Variants in WWOX observed in about 807,000 individuals in gnomAD.
WWOX encodes the protein WW domain containing oxidoreductase, also known as WW domain-containing oxidoreductase.
Under a neutral mutation model 46.2 loss-of-function variants are expected in WWOX, and 69 were observed. The ratio of observed to expected loss-of-function variants is 1.49; its 90% confidence interval spans 1.23 to 1.82. The LOEUF is 1.82. Ranked by LOEUF, WWOX falls within the 40% of genes most tolerant of loss-of-function variation. The probability of loss-of-function intolerance (pLI) is 0.00; values close to 1 mark genes in which losing one functional copy is unlikely to be tolerated. For synonymous variants in WWOX, 359 were observed against 202.6 expected (o/e 1.77, Z -6.56); for missense variants, 919 against 542.6 (o/e 1.69, Z -6.89).
chr16:79,146,479 T>G (rs2050185076), intron 8 of WWOX, among the ~76,000 whole-genome samples: 1 of 152,140 alleles, frequency 6.6e-6, no homozygotes, highest in Non-Finnish European at 1.5e-5. Flanking sequence ...GTCTTGAGAT[T>G]TGGAGTCGTA....
chr16:78,741,847 G>A lies in WWOX; in HGVS notation c.1056+309095G>A, dbSNP rs1289397426. 2.6e-5 allele frequency among the ~76,000 whole-genome samples: 4 copies of A among 152,184 alleles called. No homozygotes were observed. In the East Asian group the frequency reaches 5.8e-4, roughly 22 times the overall value. ...TCCAGCCTGGGCGGCAGAGTGAGAC[G>A]CTGTCTCAAATAAATACATACATAC... On this transcript the variant is annotated intron_variant, in intron 8 of 8. Coordinates refer to ENST00000566780, the MANE Select transcript of WWOX (RefSeq NM_016373.4).
At chr16:78,767,058 TTCCCTCCC>T (rs369061899) in intron 8 of WWOX, among the ~76,000 whole-genome samples, 46 of 150,732 alleles carry the variant, frequency 3.1e-4, no homozygotes, top group African/African-American at 7.5e-4. Flanking sequence ...CTTCCTCTCC[TTCCCTCCC>T]TCCCTCCCTC....
At chr16:78,753,369 T>C (rs1011837426) in intron 8 of WWOX, among the ~76,000 whole-genome samples, 1 of 152,126 alleles carries the variant, frequency 6.6e-6, no homozygotes, top group Non-Finnish European at 1.5e-5. Flanking sequence ...TCTCATTTCA[T>C]TATCCAGGTA....
intron 8 of WWOX, among the ~76,000 whole-genome samples, chr16:79,079,420 C>T (rs531998188): frequency 4.6e-5 from 7 of 152,332 alleles, no homozygotes; most frequent in African/African-American, 1.7e-4. Context: ...ATTCATCCAT[C>T]CATCCATCTA....
intron 8 of WWOX, among the ~76,000 whole-genome samples, chr16:78,919,497 CT>C (rs1451422115): frequency 2.1e-5 from 3 of 145,994 alleles, no homozygotes; most frequent in Admixed American, 1.4e-4. Context: ...GCTTTCTTCT[CT>C]TTTTTTTCTT....
At chr16:78,718,465 G>T (rs1262079402) in intron 8 of WWOX, among the ~76,000 whole-genome samples, 1 of 152,074 alleles carries the variant, frequency 6.6e-6, no homozygotes, top group Non-Finnish European at 1.5e-5. Flanking sequence ...GAATAGGAGG[G>T]TTCTCTTTCC....
rs928178273 is a variant in WWOX at position 78,182,809 on chromosome 16, G to T, written c.516+18520G>T. On this transcript the variant is annotated intron_variant, in intron 5 of 8. Transcript: ENST00000566780. ...CTACTAAAAATACAAAAATTAGCAG[G>T]GCATGGTGGCGGGTACCTGTAGTGC... 7.9e-5 allele frequency among the ~76,000 whole-genome samples: 12 copies of T among 151,894 alleles called. 1 individual carries two copies. Among genetic ancestry groups the T allele is most frequent in the African/African-American group, 2.9e-4 (12 of 41,328 alleles).
intron 1 of WWOX, chr16:78,100,291 C>G: frequency 1.9e-6 from 2 of 1,053,000 alleles, no homozygotes; most frequent in Non-Finnish European, 2.3e-6. Context: ...ATTGCTCAGT[C>G]ATCCAGGCTG....
At chr16:78,674,800 C>T (rs190423230) in intron 8 of WWOX, among the ~76,000 whole-genome samples, 1 of 150,878 alleles carries the variant, frequency 6.6e-6, no homozygotes, top group Admixed American at 6.6e-5. Flanking sequence ...TATTTTTAAA[C>T]AATTACTGTA....
At chr16:78,100,800 G>A (rs1353775828) in intron 1 of WWOX, among the ~76,000 whole-genome samples, 3 of 152,152 alleles carry the variant, frequency 2.0e-5, no homozygotes, top group Admixed American at 6.5e-5. Flanking sequence ...TTGCTCTTAA[G>A]ATACGACAGT....
intron 8 of WWOX, among the ~76,000 whole-genome samples, chr16:78,804,940 A>G (rs955655335): frequency 6.6e-6 from 1 of 152,256 alleles, no homozygotes; most frequent in African/African-American, 2.4e-5. Flanking sequence ...AAAGATTGAA[A>G]TATTGCTACC....
chr16:78,922,511 T>G (rs1005172169), intron 8 of WWOX, among the ~76,000 whole-genome samples: 1 of 151,982 alleles, frequency 6.6e-6, no homozygotes, highest in Non-Finnish European at 1.5e-5. Context: ...CCTGAGTCAC[T>G]GGGATTACAG....
chr16:78,626,302 T>G (rs537808298), intron 8 of WWOX, among the ~76,000 whole-genome samples: 1 of 152,226 alleles, frequency 6.6e-6, no homozygotes, highest in African/African-American at 2.4e-5. Flanking sequence ...AGCTAATTTT[T>G]GCAGGATACC....
At position 78,853,779 on chromosome 16, in the gene WWOX, C is replaced by G. The variant is rs57895849; in HGVS notation, c.1057-357829C>G. 9.6e-3 allele frequency among the ~76,000 whole-genome samples: 1,460 copies of G among 152,166 alleles called. 23 individuals carry two copies. Among genetic ancestry groups the G allele is most frequent in the African/African-American group, 0.033 (1,383 of 41,508 alleles). On this transcript the variant is annotated intron_variant, in intron 8 of 8. Coordinates refer to ENST00000566780, the MANE Select transcript of WWOX (RefSeq NM_016373.4). Reference sequence around the variant, plus strand: ...TATCTACATCCCAGGGAGGTTTTCACTGAACCAAGAGATGCCATAAGCAGT... The same window carrying G: ...TATCTACATCCCAGGGAGGTTTTCAGTGAACCAAGAGATGCCATAAGCAGT...
intron 8 of WWOX, among the ~76,000 whole-genome samples, chr16:79,006,754 G>A (rs1198416888): frequency 2.0e-5 from 3 of 152,074 alleles, no homozygotes; most frequent in Non-Finnish European, 4.4e-5. Context: ...GTTTCTTAGA[G>A]GTTGCCCATC....
intron 8 of WWOX, among the ~76,000 whole-genome samples, chr16:78,453,832 ATT>A (rs10718327): frequency 6.6e-6 from 1 of 151,348 alleles, no homozygotes; most frequent in Admixed American, 6.6e-5. Flanking sequence ...TACCAAAACC[ATT>A]TTTTTTTATT....
intron 8 of WWOX, among the ~76,000 whole-genome samples, chr16:78,792,600 T>C (rs2050634453): frequency 6.6e-6 from 1 of 152,192 alleles, no homozygotes; most frequent in South Asian, 2.1e-4. Flanking sequence ...GGATTGATTT[T>C]GATTCATTGC....
rs568128494 is a variant in WWOX, at chr16:78,560,397, C to T, written c.1056+127645C>T. On this transcript the variant is annotated intron_variant, in intron 8 of 8. Transcript: ENST00000566780. ...GTGGCTCACGCCTGTAATCCCAGCA[C>T]TTTGGGAGGCCGAGGTGGGTGGATC... 4.9e-3 allele frequency among the ~76,000 whole-genome samples: 751 copies of T among 152,290 alleles called. 3 individuals are homozygous for T. The highest frequency in any genetic ancestry group is 7.0e-3 in the Non-Finnish European group (474 of 68,024).
At chr16:78,147,716 G>T (rs2034257226) in intron 4 of WWOX, among the ~76,000 whole-genome samples, 4 of 121,356 alleles carry the variant, frequency 3.3e-5, no homozygotes, top group East Asian at 2.3e-4. Context: ...AAAGGTGCTT[G>T]AATTAGAAAG....
Sources: gnomAD v4.1 joint callset for allele counts (sites outside exome capture counted in the v4.1 genomes callset) on GRCh38, gnomAD v4.1.1 for gene constraint, MANE v1.5 for transcripts, NCBI Gene and HGNC (gene_info 2026-07-23, HGNC 2026-07-21) for gene names.